Variants in XIRP2 observed in about 807,000 individuals in gnomAD.
XIRP2 encodes the protein xin actin binding repeat containing 2.
XIRP2 carries 236 observed loss-of-function variants against 277.0 expected under a neutral mutation model. The ratio of observed to expected loss-of-function variants is 0.85; its 90% CI spans 0.77 to 0.95. The LOEUF (loss-of-function observed/expected upper bound fraction) is 0.95. Ranked by LOEUF, XIRP2 falls within the 40% of genes least tolerant of loss-of-function variation. The probability of loss-of-function intolerance (pLI) is 0.00; values close to 1 mark genes in which losing one functional copy is unlikely to be tolerated. For synonymous variants in XIRP2, 1,490 were observed against 1,416.5 expected (o/e 1.05, Z -1.17); for missense variants, 4,640 against 4,157.5 (o/e 1.12, Z -3.19).
At chr2:166,994,940 G>T (rs981869977) in intron 2 of XIRP2, among the ~76,000 whole-genome samples, 1 of 150,440 alleles carries the variant, frequency 6.6e-6, no homozygotes, top group Non-Finnish European at 1.5e-5. Context: ...TTTTGACCGA[G>T]TCTCCATCTC....
chr2:167,202,061 T>C (rs1169903578), intron 3 of XIRP2, among the ~76,000 whole-genome samples: 2 of 152,174 alleles, frequency 1.3e-5, no homozygotes, highest in Admixed American at 1.3e-4. Flanking sequence ...ATTATGTTCA[T>C]TAACTGATAG....
At chr2:166,950,946 T>C (rs1366880461) in intron 2 of XIRP2, among the ~76,000 whole-genome samples, 2 of 152,044 alleles carry the variant, frequency 1.3e-5, no homozygotes, top group Non-Finnish European at 2.9e-5. Flanking sequence ...GTATCACTCT[T>C]CCTATAACGA....
intron 2 of XIRP2, among the ~76,000 whole-genome samples, chr2:166,952,610 C>T (rs1466076387): frequency 1.3e-5 from 2 of 151,950 alleles, no homozygotes; most frequent in Non-Finnish European, 2.9e-5. Flanking sequence ...CCACACGAAT[C>T]CTGAAATAAT....
intron 2 of XIRP2, among the ~76,000 whole-genome samples, chr2:167,101,306 TG>T (rs1690479649): frequency 6.6e-6 from 1 of 152,190 alleles, no homozygotes; most frequent in Admixed American, 6.5e-5. Context: ...TAAAAGAGTT[TG>T]AATATGTACA....
At chr2:167,019,488 T>C (rs1687924386) in intron 2 of XIRP2, among the ~76,000 whole-genome samples, 1 of 152,034 alleles carries the variant, frequency 6.6e-6, no homozygotes, top group African/African-American at 2.4e-5. Context: ...ATCTAATCTC[T>C]GTGGCACTGT....
At chr2:167,181,586 G>A (rs1693009534) in intron 3 of XIRP2, among the ~76,000 whole-genome samples, 1 of 136,014 alleles carries the variant, frequency 7.4e-6, no homozygotes, top group Admixed American at 6.9e-5. Context: ...ATCTGGACCT[G>A]CACCATTTTT....
At chr2:166,905,133 TG>T (rs1684484853) in intron 2 of XIRP2, among the ~76,000 whole-genome samples, 1 of 152,054 alleles carries the variant, frequency 6.6e-6, no homozygotes, top group Non-Finnish European at 1.5e-5. Context: ...CAATCATTTT[TG>T]TTTATACTTT....
At chr2:167,157,663 T>A (rs899444905) in intron 3 of XIRP2, among the ~76,000 whole-genome samples, 2 of 152,148 alleles carry the variant, frequency 1.3e-5, no homozygotes, top group Non-Finnish European at 2.9e-5. Context: ...ATGCTTGCCT[T>A]CCTTTCCCCC....
chr2:167,196,412 TTGTGTGTGTGTGTGTG>T (rs71031280), intron 3 of XIRP2, among the ~76,000 whole-genome samples: 8 of 141,808 alleles, frequency 5.6e-5, no homozygotes, highest in African/African-American at 2.1e-4. Context: ...GTCAAGAATT[TTGTGTGTGTGTGTGTG>T]TGTGTGTGTG....
At chr2:167,036,473 T>G (rs997917661) in intron 2 of XIRP2, among the ~76,000 whole-genome samples, 1 of 152,146 alleles carries the variant, frequency 6.6e-6, no homozygotes, top group Admixed American at 6.5e-5. Flanking sequence ...AACCCCCTTT[T>G]CTTTTGGCCA....
chr2:167,126,961 GTTA>G (rs1055765630), intron 2 of XIRP2, among the ~76,000 whole-genome samples: 3 of 152,060 alleles, frequency 2.0e-5, no homozygotes, highest in Non-Finnish European at 2.9e-5. Context: ...TATTATTGCT[GTTA>G]TTATTATTAC....
intron 6 of XIRP2, 146 bp downstream of exon 6, chr2:167,240,111 A>G: frequency 1.2e-6 from 1 of 810,550 alleles, no homozygotes; most frequent in East Asian, 3.4e-5. Context: ...TCAAGTTGGA[A>G]TTCTTTTAAA....
At chr2:166,994,564 C>T in intron 2 of XIRP2, among the ~76,000 whole-genome samples, 1 of 144,730 alleles carries the variant, frequency 6.9e-6, no homozygotes, top group Non-Finnish European at 1.5e-5. Flanking sequence ...ATTTCAATAG[C>T]ACTTCTGGAT....
intron 3 of XIRP2, among the ~76,000 whole-genome samples, chr2:167,143,696 T>C (rs1024616729): frequency 1.4e-4 from 21 of 152,124 alleles, no homozygotes; most frequent in Non-Finnish European, 7.4e-5. Flanking sequence ...AAAACTTGGT[T>C]TTTCTACTTT....
At chr2:167,030,393 T>A (rs191094433) in intron 2 of XIRP2, among the ~76,000 whole-genome samples, 131 of 152,058 alleles carry the variant, frequency 8.6e-4, no homozygotes, top group African/African-American at 3.0e-3. Flanking sequence ...ATCTGGGCCG[T>A]AGATATTCTG....
At chr2:167,065,641 A>T (rs1474795629) in intron 2 of XIRP2, among the ~76,000 whole-genome samples, 1 of 151,870 alleles carries the variant, frequency 6.6e-6, no homozygotes, top group Non-Finnish European at 1.5e-5. Context: ...TTTCAATTGA[A>T]AAAGTGTTTT....
chr2:167,196,462 C>T (rs62197391), intron 3 of XIRP2, among the ~76,000 whole-genome samples: 3,327 of 143,002 alleles, frequency 0.023, 63 homozygotes, highest in Non-Finnish European at 0.034. Flanking sequence ...AGACTGGCCA[C>T]GATAGATGAG....
Position 167,095,361 on chromosome 2 carries a change from G to T in XIRP2, c.409-40548G>T, listed in dbSNP as rs146700179. On this transcript the variant is annotated intron_variant, in intron 2 of 10. Transcript: ENST00000409195. Reference sequence around the variant, plus strand: ...ACTTCCAATATTATGTTGAATAGGAGTGGTGAGAGAGGGCATACTTTTCTT... The same window carrying T: ...ACTTCCAATATTATGTTGAATAGGATTGGTGAGAGAGGGCATACTTTTCTT... Among the ~76,000 whole-genome samples the T allele has an allele frequency of 5.3e-3, 813 of 152,282 alleles. 3 individuals carry two copies. Among genetic ancestry groups the T allele is most frequent in the Middle Eastern group, 0.01 (3 of 294 alleles).
chr2:167,177,769 A>G (rs1393150014), intron 3 of XIRP2, among the ~76,000 whole-genome samples: 2 of 152,176 alleles, frequency 1.3e-5, no homozygotes, highest in Non-Finnish European at 2.9e-5. Context: ...TAAATTGGCA[A>G]TAACTGTAAT....
Sources: allele counts gnomAD v4.1 joint callset (sites outside exome capture counted in the v4.1 genomes callset), GRCh38; gene constraint gnomAD v4.1.1; transcripts MANE v1.5; gene names NCBI Gene and HGNC (gene_info 2026-07-23, HGNC 2026-07-21).